STXBP6: variants seen among roughly 807,000 people sequenced by gnomAD.
STXBP6 encodes syntaxin binding protein 6.
In STXBP6, 21 loss-of-function variants were observed where a neutral mutation model predicts 26.9. That is an observed-to-expected ratio of 0.78 (90% CI 0.55 to 1.12). The LOEUF is 1.12. Ranked by LOEUF, STXBP6 falls within the 50% of genes most tolerant of loss-of-function variation. The pLI is 0.00. For synonymous variants in STXBP6, 97 were observed against 92.6 expected (o/e 1.05, Z -0.27); for missense variants, 232 against 257.9 (o/e 0.90, Z 0.69).
rs7143405 is a variant in STXBP6, at chr14:24,948,473, C to G, written c.154+26192G>C. On this transcript the variant is annotated intron_variant, in intron 2 of 5. Coordinates refer to ENST00000323944, the MANE Select transcript of STXBP6 (RefSeq NM_001394410.1). ...CCTCACACTCAGTAACAGACTGTTA[C>G]TGGCCCAAATAGGGACCACCTGACA... Among the ~76,000 whole-genome samples, 676 of 152,242 alleles carry G rather than the reference C, an allele frequency of 4.4e-3. 6 individuals carry two copies. The highest frequency in any genetic ancestry group is 0.015 in the African/African-American group (643 of 41,554).
intron 2 of STXBP6, among the ~76,000 whole-genome samples, chr14:24,922,749 A>T (rs1279769952): frequency 6.6e-6 from 1 of 152,120 alleles, no homozygotes; most frequent in East Asian, 1.9e-4. Context: ...GGGAAACCTT[A>T]TAACAATTCC....
intron 1 of STXBP6, among the ~76,000 whole-genome samples, chr14:25,028,483 C>T (rs1324984685): frequency 6.6e-6 from 1 of 151,404 alleles, no homozygotes; most frequent in Non-Finnish European, 1.5e-5. Flanking sequence ...ATATTTTAAG[C>T]TCATTGTTGA....
intron 1 of STXBP6, among the ~76,000 whole-genome samples, chr14:25,046,068 G>A (rs1262873299): frequency 3.3e-5 from 5 of 152,174 alleles, no homozygotes; most frequent in African/African-American, 9.7e-5. Context: ...GACTCTCTGT[G>A]ACTCAGTAAT....
chr14:25,022,873 T>C (rs1252400646), intron 1 of STXBP6, among the ~76,000 whole-genome samples: 1 of 152,164 alleles, frequency 6.6e-6, no homozygotes, highest in African/African-American at 2.4e-5. Flanking sequence ...CCAATTCAAT[T>C]TGTCCAAAAT....
chr14:25,041,195 G>T (rs1301183364), intron 1 of STXBP6, among the ~76,000 whole-genome samples: 1 of 151,930 alleles, frequency 6.6e-6, no homozygotes, highest in Non-Finnish European at 1.5e-5. Flanking sequence ...GGTGGTGGGC[G>T]CCTATAATCC....
chr14:24,977,273 T>C (rs369718055), intron 1 of STXBP6, among the ~76,000 whole-genome samples: 10 of 152,314 alleles, frequency 6.6e-5, no homozygotes, highest in African/African-American at 2.2e-4. Flanking sequence ...AAAGCTATCA[T>C]TTTATCATAT....
At position 25,015,740 on chromosome 14, in the gene STXBP6, T is replaced by C. The variant is rs966426071; in HGVS notation, c.-33+34138A>G. Among the ~76,000 whole-genome samples the C allele has an allele frequency of 4.6e-5, 7 of 152,054 alleles. No homozygotes were observed. In the South Asian group the frequency reaches 1.5e-3, roughly 32 times the overall value. On this transcript the variant is annotated intron_variant, in intron 1 of 5. Coordinates refer to ENST00000323944, the MANE Select transcript of STXBP6 (RefSeq NM_001394410.1). ...TCCACACGGGTCTAATTAAAGTTGA[T>C]TTAGACTGCATAGTGCCTTTTTTTG...
In STXBP6 at chr14:24,932,654, G is replaced by T. The variant is rs573143705; in HGVS notation, c.154+42011C>A. The stretch of plus-strand genomic sequence containing the variant: ...ATTCTAGGTGGTTCAGGAGAGAGAA[G>T]ATGGTGGCTTGGAATCGTGTAGTAG... On this transcript the variant is annotated intron_variant, in intron 2 of 5. Coordinates refer to ENST00000323944, the MANE Select transcript of STXBP6 (RefSeq NM_001394410.1). Among the ~76,000 whole-genome samples, 7 of 152,326 alleles carry T rather than the reference G, an allele frequency of 4.6e-5. No individual in the cohort carries two copies. In the East Asian group the frequency reaches 1.2e-3, roughly 25 times the overall value.
chr14:25,006,364 C>A (rs1326886477), intron 1 of STXBP6, among the ~76,000 whole-genome samples: 1 of 152,134 alleles, frequency 6.6e-6, no homozygotes, highest in Non-Finnish European at 1.5e-5. Flanking sequence ...GCTCTTCCTC[C>A]CCCTTCCAAG....
intron 1 of STXBP6, among the ~76,000 whole-genome samples, chr14:25,038,850 T>C (rs1441445280): frequency 6.6e-6 from 1 of 151,998 alleles, no homozygotes; most frequent in Non-Finnish European, 1.5e-5. Flanking sequence ...ATAATGGTAG[T>C]TACCAGGGGA....
intron 4 of STXBP6, among the ~76,000 whole-genome samples, chr14:24,827,184 G>A: frequency 6.6e-6 from 1 of 152,130 alleles, no homozygotes; most frequent in Non-Finnish European, 1.5e-5. Flanking sequence ...CTGGACAATA[G>A]AGCCAGACCT....
chr14:24,968,993 G>T (rs2140166641), intron 2 of STXBP6, among the ~76,000 whole-genome samples: 1 of 152,230 alleles, frequency 6.6e-6, no homozygotes, highest in South Asian at 2.1e-4. Context: ...TCTGTACTTT[G>T]AGAAATTCTA....
intron 5 of STXBP6, chr14:24,818,257 C>G (rs919589700): frequency 2.5e-6 from 1 of 407,452 alleles, no homozygotes; most frequent in Non-Finnish European, 4.8e-6. Context: ...GTAATAAATC[C>G]TCTTTATCAC....
At chr14:24,998,013 C>T (rs1362439041) in intron 1 of STXBP6, among the ~76,000 whole-genome samples, 1 of 152,112 alleles carries the variant, frequency 6.6e-6, no homozygotes, top group Non-Finnish European at 1.5e-5. Flanking sequence ...ATATAACCAC[C>T]ATTGTGCATC....
intron 2 of STXBP6, chr14:24,878,651 C>T: frequency 5.0e-6 from 1 of 200,232 alleles, no homozygotes; most frequent in Non-Finnish European, 1.1e-5. Context: ...TTTTTATTTA[C>T]CTTTTTCAGT....
chr14:24,989,558 T>G (rs1445057062), intron 1 of STXBP6, among the ~76,000 whole-genome samples: 1 of 152,192 alleles, frequency 6.6e-6, no homozygotes, highest in South Asian at 2.1e-4. Context: ...TCTGATAAAG[T>G]GCCACAAAGC....
At chr14:24,833,057 C>T (rs1165497637) in intron 4 of STXBP6, among the ~76,000 whole-genome samples, 2 of 152,156 alleles carry the variant, frequency 1.3e-5, no homozygotes, top group Non-Finnish European at 2.9e-5. Context: ...TGGTTGACTC[C>T]AAACATCAGT....
At chr14:25,024,136 C>T (rs2075306415) in intron 1 of STXBP6, among the ~76,000 whole-genome samples, 1 of 151,696 alleles carries the variant, frequency 6.6e-6, no homozygotes, top group Non-Finnish European at 1.5e-5. Context: ...GGTGAAACCC[C>T]GTCTCTACTA....
rs569460534 is a variant in STXBP6 at position 25,032,255 on chromosome 14, T to A, written c.-33+17623A>T. 2.0e-5 allele frequency among the ~76,000 whole-genome samples: 3 copies of A among 152,146 alleles called. No homozygotes were observed. The South Asian group carries it at 6.2e-4, about 32-fold the overall frequency. On this transcript the variant is annotated intron_variant, in intron 1 of 5. Transcript: ENST00000323944. ...GACTATCACCACACTGGAACTAGCC[T>A]CTCTCTGGTTTTAAGGTTGGTGGTG...
Sources: allele counts gnomAD v4.1 joint callset (sites outside exome capture counted in the v4.1 genomes callset), GRCh38; gene constraint gnomAD v4.1.1; transcripts MANE v1.5; gene names NCBI Gene and HGNC (gene_info 2026-07-23, HGNC 2026-07-21).